AADACL2: variants seen among roughly 807,000 people sequenced by gnomAD.
The protein encoded by AADACL2 is arylacetamide deacetylase like 2, also known as arylacetamide deacetylase-like 2.
AADACL2 carries 23 observed loss-of-function variants against 22.3 expected under a neutral mutation model. The ratio of observed to expected loss-of-function variants is 1.03; its 90% confidence interval spans 0.74 to 1.46. The LOEUF is 1.46. Among genes scored for constraint, AADACL2 ranks in the 40% most tolerant of loss-of-function variants. AADACL2 has a pLI of 0.00. For missense variants in AADACL2, 472 were observed against 482.9 expected, an observed-to-expected ratio of 0.98 and a Z score of 0.21; for synonymous variants, 177 against 166.2, an observed-to-expected ratio of 1.07 and a Z score of -0.50.
At chr3:151,756,772 T>G (rs1256278000) in intron 4 of AADACL2, among the ~76,000 whole-genome samples, 1 of 151,770 alleles carries the variant, frequency 6.6e-6, no homozygotes, top group Non-Finnish European at 1.5e-5. Flanking sequence ...TCTCCTTTTT[T>G]CCTCACACAA....
At chr3:151,747,821 T>C (rs186713383) in intron 4 of AADACL2, among the ~76,000 whole-genome samples, 1 of 152,298 alleles carries the variant, frequency 6.6e-6, no homozygotes, top group Non-Finnish European at 1.5e-5. Context: ...CTGAATCATC[T>C]GGTAGTTCCA....
At chr3:151,735,220 T>C (rs1388498423) in intron 1 of AADACL2, among the ~76,000 whole-genome samples, 1 of 152,162 alleles carries the variant, frequency 6.6e-6, no homozygotes, top group Non-Finnish European at 1.5e-5. Flanking sequence ...ACAGAGAAAA[T>C]ACTATGCTCC....
At chr3:151,746,966 C>T (rs112250225) in intron 4 of AADACL2, among the ~76,000 whole-genome samples, 9 of 150,792 alleles carry the variant, frequency 6.0e-5, no homozygotes, top group African/African-American at 9.7e-5. Context: ...TGCAGTGGCG[C>T]GATCTCAGCT....
chr3:151,753,971 T>C (rs1054220028), intron 4 of AADACL2, among the ~76,000 whole-genome samples: 1 of 152,104 alleles, frequency 6.6e-6, no homozygotes, highest in East Asian at 1.9e-4. Flanking sequence ...ACAGGGCACT[T>C]GGGAAATGGG....
At chr3:151,752,107 A>G (rs56189102) in intron 4 of AADACL2, among the ~76,000 whole-genome samples, 26,206 of 152,178 alleles carry the variant, frequency 0.17, 2,330 homozygotes, top group East Asian at 0.27. Flanking sequence ...TATGAATTAC[A>G]TATTCATTGA....
chr3:151,734,785 T>C (rs1188398996), intron 1 of AADACL2, among the ~76,000 whole-genome samples: 2 of 152,178 alleles, frequency 1.3e-5, no homozygotes, highest in African/African-American at 4.8e-5. Context: ...TTCCATTGAT[T>C]CCCCGCTATC....
chr3:151,754,250 G>A (rs577189844), intron 4 of AADACL2, among the ~76,000 whole-genome samples: 45 of 152,238 alleles, frequency 3.0e-4, no homozygotes, highest in African/African-American at 1.1e-3. Flanking sequence ...TTTACTCCAA[G>A]CATTTTAGCA....
chr3:151,737,691 C>T (rs1383164537), intron 1 of AADACL2, among the ~76,000 whole-genome samples: 2 of 152,030 alleles, frequency 1.3e-5, no homozygotes, highest in Admixed American at 1.3e-4. Context: ...CTTCTTGTTG[C>T]CTTGGTACCT....
In AADACL2 at chr3:151,743,490, T is replaced by C. The variant is rs16863597; in HGVS notation, c.362-603T>C. Among the ~76,000 whole-genome samples the C allele has an allele frequency of 0.013, 2,020 of 152,238 alleles. 117 individuals are homozygous for C. The East Asian group carries it at 0.19, about 14-fold the overall frequency. ...TGTACATCAAGCATGTCAAAACTCA[T>C]ATGTATATCAAGTCTTCACACTGAC... On this transcript the variant is annotated intron_variant, in intron 2 of 4. Transcript: ENST00000356517.
Position 151,760,007 on chromosome 3 carries a change from T to C in AADACL2, c.*2413T>C, listed in dbSNP as rs972250575. 3.3e-5 allele frequency: 5 copies of C among 152,218 alleles called. No homozygotes were observed. The highest frequency in any genetic ancestry group is 7.3e-5 in the Non-Finnish European group (5 of 68,034). 9.4% of individuals were successfully genotyped at this position (152,218 alleles called of 1,614,324 possible). On this transcript the variant is annotated 3_prime_UTR_variant, in exon 5 of 5. Transcript: ENST00000356517. ...CATAGTGACGTTTCAATACATATCA[T>C]GTATAGTGATTATATCAGGGTAATC...
chr3:151,750,133 C>T (rs546626873), intron 4 of AADACL2, among the ~76,000 whole-genome samples: 1 of 152,298 alleles, frequency 6.6e-6, no homozygotes, highest in African/African-American at 2.4e-5. Context: ...TATGGCATAT[C>T]ACCTTGATAG....
At chr3:151,746,722 T>C (rs944615731) in intron 4 of AADACL2, among the ~76,000 whole-genome samples, 2 of 152,096 alleles carry the variant, frequency 1.3e-5, no homozygotes, top group African/African-American at 2.4e-5. Context: ...TATTTATTAT[T>C]TTAGTGTGGT....
chr3:151,741,216 T>C (rs1713269782), intron 2 of AADACL2, among the ~76,000 whole-genome samples: 3 of 152,204 alleles, frequency 2.0e-5, no homozygotes, highest in Non-Finnish European at 4.4e-5. Context: ...GGGATGCAGA[T>C]GTTTTAATTA....
chr3:151,758,981 T>G lies in AADACL2; in HGVS notation c.*1387T>G, dbSNP rs549583039. On this transcript the variant is annotated 3_prime_UTR_variant, in exon 5 of 5. Transcript: ENST00000356517. ...ACAGTCCACAAACAAAATAAGATTT[T>G]TTTAATGTAGAGAGAAATTAATTAT... The G allele has an allele frequency of 6.6e-6, 1 of 152,144 alleles. No individual in the cohort carries two copies. Among genetic ancestry groups the G allele is most frequent in the Non-Finnish European group, 1.5e-5 (1 of 67,992 alleles). The allele number at this position is 152,144 out of a possible 1,614,324, so 9.4% of individuals were successfully genotyped here.
Position 151,740,665 on chromosome 3 carries a change from T to C in AADACL2, c.158T>C (p.Met53Thr), listed in dbSNP as rs543094138. The C allele has an allele frequency of 5.0e-6, 8 of 1,609,532 alleles. No homozygotes were observed. The highest frequency in any genetic ancestry group is 4.5e-5 in the East Asian group (2 of 44,754). ...TTACAGGCTATGTGTTTTGAAAATATGCGTATTATGAGATATGAAGAGTTT... is the reference window on the plus strand; with the variant it reads ...TTACAGGCTATGTGTTTTGAAAATACGCGTATTATGAGATATGAAGAGTTT... Reference protein sequence around the residue: ...CTFTAMCFENMRIMRYEEFIS... With the variant: ...CTFTAMCFENTRIMRYEEFIS... Residue 53 changes from methionine (M) to threonine (T), a missense_variant, in exon 2 of 5, where the codon ATG becomes ACG. Physicochemically the swap from Met to Thr is moderately conservative, Grantham distance 81 (BLOSUM62 -1). Transcript: ENST00000356517.
intron 4 of AADACL2, among the ~76,000 whole-genome samples, chr3:151,753,834 T>C (rs1182514547): frequency 6.6e-6 from 1 of 152,094 alleles, no homozygotes; most frequent in Non-Finnish European, 1.5e-5. Context: ...GTAGGGTATC[T>C]TGTGAACAAG....
At chr3:151,744,341 T>C (rs1267501720) in intron 3 of AADACL2, among the ~76,000 whole-genome samples, 179 bp downstream of exon 3, 2 of 152,162 alleles carry the variant, frequency 1.3e-5, no homozygotes, top group Non-Finnish European at 2.9e-5. Flanking sequence ...TTTTCTGTGA[T>C]TGTGAGAATA....
At chr3:151,735,461 G>T (rs543132585) in intron 1 of AADACL2, among the ~76,000 whole-genome samples, 55 of 152,222 alleles carry the variant, frequency 3.6e-4, no homozygotes, top group African/African-American at 1.3e-3. Flanking sequence ...ATACTTCCTC[G>T]TCTTTAAATT....
intron 4 of AADACL2, chr3:151,754,932 G>C (rs552897070): frequency 6.6e-6 from 1 of 152,076 alleles, no homozygotes; most frequent in African/African-American, 2.4e-5. Context: ...CTCCATTCTA[G>C]GCTTGTTTTG....
Sources: allele counts gnomAD v4.1 joint callset (sites outside exome capture counted in the v4.1 genomes callset), GRCh38; gene constraint gnomAD v4.1.1; transcripts MANE v1.5; gene names NCBI Gene and HGNC (gene_info 2026-07-23, HGNC 2026-07-21).